Variants in GRIA3 observed in about 807,000 individuals in gnomAD.
GRIA3 encodes the protein glutamate receptor 3.
GRIA3 carries 3 observed loss-of-function variants against 63.0 expected under a neutral mutation model. That is an observed-to-expected ratio of 0.05 (90% CI 0.02 to 0.12). GRIA3 has a LOEUF of 0.12. Ranked by LOEUF, GRIA3 falls within the 10% of genes least tolerant of loss-of-function variation. The probability of loss-of-function intolerance (pLI) is 1.00; values close to 1 mark genes in which losing one functional copy is unlikely to be tolerated. For missense variants in GRIA3, 347 were observed against 700.9 expected, an observed-to-expected ratio of 0.50 and a Z score of 5.70; for synonymous variants, 274 against 257.9, an observed-to-expected ratio of 1.06 and a Z score of -0.60.
chrX:123,272,992 C>T (rs1265829757), intron 3 of GRIA3, among the ~76,000 whole-genome samples: 2 of 111,470 alleles, frequency 1.8e-5, no homozygotes, highest in Non-Finnish European at 1.9e-5. Context: ...GAATGCCACC[C>T]GCAGTATTTC....
intron 2 of GRIA3, among the ~76,000 whole-genome samples, chrX:123,191,808 G>A (rs1026701328): frequency 1.8e-5 from 2 of 110,920 alleles, no homozygotes; most frequent in Non-Finnish European, 3.8e-5. Flanking sequence ...TACTTTGGGG[G>A]TGACAGCTTT....
intron 5 of GRIA3, among the ~76,000 whole-genome samples, chrX:123,382,573 C>T (rs1426937901): frequency 8.9e-6 from 1 of 111,889 alleles, no homozygotes; most frequent in African/African-American, 3.2e-5. Flanking sequence ...GAGATCAAGA[C>T]ACCCAGGTGG....
intron 3 of GRIA3, among the ~76,000 whole-genome samples, chrX:123,283,153 C>T (rs1161692867): frequency 9.0e-6 from 1 of 111,463 alleles, no homozygotes; most frequent in Non-Finnish European, 1.9e-5. Flanking sequence ...TCGGGGAACT[C>T]CCTCCCTTAG....
chrX:123,434,927 G>A lies in GRIA3; in HGVS notation c.2076+6788G>A, dbSNP rs1174340543. Reference sequence around the variant, plus strand: ...AGCAATAAAGACAAGCTAATAATATGCCTGATATTCCATTATTTATTCAGC... The same window carrying A: ...AGCAATAAAGACAAGCTAATAATATACCTGATATTCCATTATTTATTCAGC... On this transcript the variant is annotated intron_variant, in intron 12 of 15. Transcript: ENST00000620443. 2.7e-5 allele frequency among the ~76,000 whole-genome samples: 3 copies of A among 112,306 alleles called. No homozygotes were observed. In the East Asian group the frequency reaches 8.3e-4, roughly 31 times the overall value.
At chrX:123,383,777 A>G (rs2045338412) in intron 5 of GRIA3, among the ~76,000 whole-genome samples, 1 of 109,138 alleles carries the variant, frequency 9.2e-6, no homozygotes, top group Non-Finnish European at 1.9e-5. Context: ...GTATCACAGG[A>G]GTTTGTTTTG....
intron 3 of GRIA3, among the ~76,000 whole-genome samples, chrX:123,267,395 C>T (rs975918050): frequency 9.8e-5 from 11 of 111,917 alleles, no homozygotes; most frequent in African/African-American, 3.6e-4. Flanking sequence ...TCATGGGTTT[C>T]TGGCTAGAGG....
Position 123,285,162 on chromosome X carries a change from G to T in GRIA3, c.508+31620G>T, listed in dbSNP as rs972656378. Among the ~76,000 whole-genome samples, 14 of 111,170 alleles carry T rather than the reference G, an allele frequency of 1.3e-4. No homozygotes were observed. In the East Asian group the frequency reaches 4.0e-3, roughly 31 times the overall value. The stretch of plus-strand genomic sequence containing the variant: ...TATCCAGCCAAACTAAGCTTCATAA[G>T]CAAAGAAGAAATAAAATCCTTTACA... On this transcript the variant is annotated intron_variant, in intron 3 of 15. Transcript: ENST00000620443.
chrX:123,394,058 T>C (rs2045399999), intron 5 of GRIA3, among the ~76,000 whole-genome samples: 1 of 112,263 alleles, frequency 8.9e-6, no homozygotes, highest in African/African-American at 3.2e-5. Context: ...TACTATGTAG[T>C]AGTTGTTAAG....
rs910059629 is a variant in GRIA3, at chrX:123,199,709, G to A, written c.268+13719G>A. Reference sequence around the variant, plus strand: ...CACTGTCAGTTTTAAGTAGGTGGCAGAGAGGAAGAATAAATCCACAGCAAG... The same window carrying A: ...CACTGTCAGTTTTAAGTAGGTGGCAAAGAGGAAGAATAAATCCACAGCAAG... On this transcript the variant is annotated intron_variant, in intron 2 of 15. Coordinates refer to ENST00000620443, the MANE Select transcript of GRIA3 (RefSeq NM_007325.5). Among the ~76,000 whole-genome samples the A allele has an allele frequency of 3.6e-5, 4 of 111,894 alleles. No individual in the cohort carries two copies. The Admixed American group carries it at 3.8e-4, about 11-fold the overall frequency.
At chrX:123,192,979 T>G (rs1253106151) in intron 2 of GRIA3, among the ~76,000 whole-genome samples, 1 of 110,535 alleles carries the variant, frequency 9.0e-6, no homozygotes, top group African/African-American at 3.3e-5. Context: ...GCAAGGAGAC[T>G]GTGATCATTA....
At chrX:123,239,771 C>T (rs771665787) in intron 2 of GRIA3, among the ~76,000 whole-genome samples, 179 of 112,351 alleles carry the variant, frequency 1.6e-3, no homozygotes, top group Non-Finnish European at 2.9e-3. Flanking sequence ...AAATGTTGCA[C>T]TGTCCACTAG....
intron 12 of GRIA3, among the ~76,000 whole-genome samples, chrX:123,449,484 T>C (rs1278384885): frequency 8.9e-6 from 1 of 112,144 alleles, no homozygotes; most frequent in Non-Finnish European, 1.9e-5. Context: ...TTCCATGGCG[T>C]GCAGTTTATG....
At chrX:123,287,366 G>T (rs1603070513) in intron 3 of GRIA3, among the ~76,000 whole-genome samples, 1 of 111,988 alleles carries the variant, frequency 8.9e-6, no homozygotes, top group East Asian at 2.8e-4. Context: ...AGACAAGGAT[G>T]CCATCTCTCA....
intron 6 of GRIA3, among the ~76,000 whole-genome samples, chrX:123,395,421 T>C (rs2045408125): frequency 8.9e-6 from 1 of 112,307 alleles, no homozygotes; most frequent in South Asian, 3.7e-4. Context: ...TACAAGAACC[T>C]GAGCCAGGCA....
chrX:123,370,800 A>G (rs940804897), intron 5 of GRIA3, among the ~76,000 whole-genome samples: 9 of 110,297 alleles, frequency 8.2e-5, no homozygotes, highest in African/African-American at 3.0e-4. Flanking sequence ...TATATGGTAC[A>G]TGATATATTT....
chrX:123,324,978 C>T (rs183333610), intron 3 of GRIA3, among the ~76,000 whole-genome samples: 91 of 112,256 alleles, frequency 8.1e-4, no homozygotes, highest in African/African-American at 2.9e-3. Flanking sequence ...TGGCATGGAT[C>T]ATTTTGGCTT....
chrX:123,294,633 G>A (rs1355119818), intron 3 of GRIA3, among the ~76,000 whole-genome samples: 2 of 111,129 alleles, frequency 1.8e-5, no homozygotes. Flanking sequence ...GGAAAAGGAA[G>A]AAGTTATGGT....
chrX:123,473,112 C>T (rs147158871), intron 13 of GRIA3, among the ~76,000 whole-genome samples: 6 of 112,207 alleles, frequency 5.3e-5, no homozygotes, highest in Admixed American at 2.8e-4. Flanking sequence ...TATGCACATG[C>T]TCCCACGTTG....
At chrX:123,233,904 T>C (rs1375806236) in intron 2 of GRIA3, among the ~76,000 whole-genome samples, 1 of 111,563 alleles carries the variant, frequency 9.0e-6, no homozygotes, top group African/African-American at 3.3e-5. Flanking sequence ...AGGACTCCTA[T>C]GTATAATTCC....
Sources: gnomAD v4.1 joint callset for allele counts (sites outside exome capture counted in the v4.1 genomes callset) on GRCh38, gnomAD v4.1.1 for gene constraint, MANE v1.5 for transcripts, NCBI Gene and HGNC (gene_info 2026-07-23, HGNC 2026-07-21) for gene names.